The following PCSK6 variants were observed in gnomAD, a reference collection of about 807,000 sequenced individuals.
PCSK6 encodes paired basic amino acid cleaving enzyme 4.
A neutral mutation model predicts 123.3 loss-of-function variants in PCSK6; 85 were observed. That is an observed-to-expected ratio of 0.69 (90% CI 0.58 to 0.83). The LOEUF (loss-of-function observed/expected upper bound fraction) is 0.83. Ranked by LOEUF, PCSK6 falls within the 40% of genes least tolerant of loss-of-function variation. The pLI is 0.00. For synonymous variants in PCSK6, 508 were observed against 516.0 expected (o/e 0.98, Z 0.21); for missense variants, 1,191 against 1,282.3 (o/e 0.93, Z 1.09).
At chr15:101,334,951 GTGTGTGTA>G (rs1003516397) in intron 13 of PCSK6, among the ~76,000 whole-genome samples, 55 of 152,210 alleles carry the variant, frequency 3.6e-4, no homozygotes, top group African/African-American at 1.1e-3. Context: ...TTATGTGTGT[GTGTGTGTA>G]TGTGTGTATG....
intron 1 of PCSK6, among the ~76,000 whole-genome samples, chr15:101,464,499 C>T (rs1438329280): frequency 2.0e-5 from 3 of 152,296 alleles, no homozygotes; most frequent in South Asian, 4.2e-4. Flanking sequence ...TGCTGGACCT[C>T]CGGGACATCC....
intron 13 of PCSK6, among the ~76,000 whole-genome samples, chr15:101,354,561 A>G (rs961716194): frequency 3.3e-5 from 5 of 152,280 alleles, no homozygotes; most frequent in Admixed American, 3.3e-4. Context: ...TGAAATCTTT[A>G]CATCGTTAAA....
At position 101,468,382 on chromosome 15, in the gene PCSK6, CT is replaced by C. The variant is rs202176913; in HGVS notation, c.297+20991del. Among the ~76,000 whole-genome samples the C allele has an allele frequency of 1.6e-4, 24 of 152,308 alleles. No homozygotes were observed. The East Asian group carries it at 4.6e-3, about 29-fold the overall frequency. Reference sequence around the variant, plus strand: ...CCCACTTTGTTTAAGCCACTATCATCTACTTTTTGCATCTGAATACATTCCT... The same window carrying C: ...CCCACTTTGTTTAAGCCACTATCATCACTTTTTGCATCTGAATACATTCCT... On this transcript the variant is annotated intron_variant, in intron 1 of 21. Transcript: ENST00000611716.
At chr15:101,362,581 T>C (rs553543373) in intron 13 of PCSK6, among the ~76,000 whole-genome samples, 3 of 151,918 alleles carry the variant, frequency 2.0e-5, no homozygotes, top group African/African-American at 7.3e-5. Flanking sequence ...AGGTGTGGCA[T>C]CACTGCAGCT....
intron 6 of PCSK6, among the ~76,000 whole-genome samples, chr15:101,418,158 C>G (rs2141079263): frequency 6.6e-6 from 1 of 152,194 alleles, no homozygotes; most frequent in Middle Eastern, 3.4e-3. Flanking sequence ...CAAAAATCTC[C>G]TCAAGAAGAA....
At chr15:101,379,505 CGA>C (rs1011970610) in intron 11 of PCSK6, among the ~76,000 whole-genome samples, 8 of 152,284 alleles carry the variant, frequency 5.3e-5, no homozygotes, top group African/African-American at 1.9e-4. Flanking sequence ...CGGATGCACA[CGA>C]GAGGGGTGTA....
chr15:101,414,941 A>G (rs1301035486), intron 6 of PCSK6, among the ~76,000 whole-genome samples: 3 of 152,230 alleles, frequency 2.0e-5, no homozygotes, highest in African/African-American at 4.8e-5. Flanking sequence ...TAAAGAATAT[A>G]TGAGAAGAAG....
intron 1 of PCSK6, among the ~76,000 whole-genome samples, chr15:101,464,597 G>T (rs2057413152): frequency 6.6e-6 from 1 of 152,128 alleles, no homozygotes; most frequent in South Asian, 2.1e-4. Context: ...AGCAGGCTGT[G>T]GTGGGGTCCA....
At chr15:101,316,792 C>T (rs865975343) in intron 19 of PCSK6, among the ~76,000 whole-genome samples, 2 of 152,048 alleles carry the variant, frequency 1.3e-5, no homozygotes, top group Admixed American at 6.5e-5. Flanking sequence ...CCAGGACATA[C>T]GGCAGGGAGC....
chr15:101,432,126 T>G (rs2056466307), intron 2 of PCSK6, 26 bp from the exon 3 acceptor site: 1 of 1,567,294 alleles, frequency 6.4e-7, no homozygotes, highest in African/African-American at 1.4e-5. Flanking sequence ...CAATTACTGT[T>G]TATATTAGAA....
At position 101,364,829 on chromosome 15, in the gene PCSK6, C is replaced by T. The variant is rs115134097; in HGVS notation, c.1858+1367G>A. 1.2e-3 allele frequency: 633 copies of T among 540,344 alleles called. 4 individuals are homozygous for T. The highest frequency in any genetic ancestry group is 9.9e-3 in the African/African-American group (536 of 54,294). The allele number at this position is 540,344 out of a possible 1,614,324, so 33.5% of individuals were successfully genotyped here. A position where few individuals can be genotyped will look rare whatever the true frequency, so the allele number is the denominator to read the frequency against. ...ATCTTCAAATTCACATGGAATTACA[C>T]GGGACCCAAAATAGCCAAAACAATC... On this transcript the variant is annotated intron_variant, in intron 13 of 21. Transcript: ENST00000611716.
intron 21 of PCSK6, among the ~76,000 whole-genome samples, chr15:101,306,811 C>A (rs1178062930): frequency 6.6e-6 from 1 of 152,230 alleles, no homozygotes; most frequent in Non-Finnish European, 1.5e-5. Flanking sequence ...TGGGCTCTGT[C>A]CCCCTCGTCC....
intron 17 of PCSK6, 29 bp from the exon 18 acceptor site, chr15:101,322,636 A>G: frequency 7.2e-7 from 1 of 1,388,042 alleles, no homozygotes; most frequent in Non-Finnish European, 1.0e-6. Context: ...ATAAGAAAAG[A>G]GAAGGGACGA....
chr15:101,484,111 CCT>C (rs1446630154), intron 1 of PCSK6, among the ~76,000 whole-genome samples: 6 of 151,804 alleles, frequency 4.0e-5, no homozygotes, highest in East Asian at 1.9e-4. Flanking sequence ...TGTAATATAC[CCT>C]GATACAAAGA....
At chr15:101,478,336 T>G (rs1052228578) in intron 1 of PCSK6, among the ~76,000 whole-genome samples, 16 of 152,138 alleles carry the variant, frequency 1.1e-4, no homozygotes, top group African/African-American at 3.9e-4. Context: ...GGTGGGGTAC[T>G]GGAATCCGAG....
At chr15:101,394,202 C>T (rs1053991754) in intron 7 of PCSK6, among the ~76,000 whole-genome samples, 19 of 151,028 alleles carry the variant, frequency 1.3e-4, no homozygotes, top group Middle Eastern at 6.8e-3. Context: ...CTGGAACTCC[C>T]GGGCTCAGGT....
intron 13 of PCSK6, among the ~76,000 whole-genome samples, chr15:101,356,636 C>T (rs957910541): frequency 2.6e-5 from 4 of 151,420 alleles, no homozygotes; most frequent in South Asian, 2.1e-4. Context: ...GCCGAGATTG[C>T]GCCGTTGCAC....
chr15:101,372,611 G>A (rs1030842260), intron 11 of PCSK6, among the ~76,000 whole-genome samples: 1 of 152,108 alleles, frequency 6.6e-6, no homozygotes, highest in Admixed American at 6.6e-5. Flanking sequence ...CTCTCCAGGT[G>A]AGTGTCCCCC....
chr15:101,354,709 C>T (rs114583500), intron 13 of PCSK6, among the ~76,000 whole-genome samples: 1 of 152,236 alleles, frequency 6.6e-6, no homozygotes, highest in African/African-American at 2.4e-5. Context: ...GAAAACAGTA[C>T]AATGAGTCCC....
Sources: gnomAD v4.1 joint callset for allele counts (sites outside exome capture counted in the v4.1 genomes callset) on GRCh38, gnomAD v4.1.1 for gene constraint, MANE v1.5 for transcripts, NCBI Gene and HGNC (gene_info 2026-07-23, HGNC 2026-07-21) for gene names.